NEDD9: variants seen among roughly 807,000 people sequenced by gnomAD.
NEDD9 encodes neural precursor cell expressed, developmentally down-regulated 9, also known as enhancer of filamentation 1.
NEDD9 carries 26 observed loss-of-function variants against 76.6 expected under a neutral mutation model. The observed-to-expected ratio is 0.34, with a 90% CI of 0.25 to 0.47. The LOEUF (loss-of-function observed/expected upper bound fraction) is 0.47, where lower values mean the gene tolerates loss of function less well. Ranked by LOEUF, NEDD9 falls within the 20% of genes least tolerant of loss-of-function variation. NEDD9 has a pLI of 1.00. For synonymous variants in NEDD9, 392 were observed against 414.2 expected, an observed-to-expected ratio of 0.95 and a Z score of 0.65; for missense variants, 937 against 1,058.5, an observed-to-expected ratio of 0.89 and a Z score of 1.59.
chr6:11,195,953 C>T (rs1758280455), intron 2 of NEDD9, among the ~76,000 whole-genome samples: 1 of 152,026 alleles, frequency 6.6e-6, no homozygotes, highest in South Asian at 2.1e-4. Flanking sequence ...GAGATCTTGC[C>T]ACTGCACTCC....
At chr6:11,239,975 C>T (rs1236234379) in intron 3 of NEDD9, among the ~76,000 whole-genome samples, 1 of 142,308 alleles carries the variant, frequency 7.0e-6, no homozygotes, top group Non-Finnish European at 1.5e-5. Context: ...ACCCGGGAGG[C>T]GGAGATTTCA....
chr6:11,308,579 C>G (rs561063608), intron 2 of NEDD9, among the ~76,000 whole-genome samples: 1 of 152,096 alleles, frequency 6.6e-6, no homozygotes, highest in Non-Finnish European at 1.5e-5. Context: ...TCGTGTTAGC[C>G]AGGATGGTCT....
intron 2 of NEDD9, among the ~76,000 whole-genome samples, chr6:11,316,730 G>A (rs556784191): frequency 1.3e-5 from 2 of 152,246 alleles, no homozygotes; most frequent in East Asian, 1.9e-4. Context: ...AGGAAGGTTC[G>A]GATTAAGCTG....
chr6:11,209,980 T>C (rs988521494), intron 2 of NEDD9, among the ~76,000 whole-genome samples: 1 of 150,918 alleles, frequency 6.6e-6, no homozygotes, highest in African/African-American at 2.4e-5. Flanking sequence ...CTTTTTTTTT[T>C]CCTTAAGTGA....
At chr6:11,305,043 A>C (rs1029308496) in intron 3 of NEDD9, 15 of 1,247,694 alleles carry the variant, frequency 1.2e-5, no homozygotes, top group Non-Finnish European at 1.5e-5. Context: ...TTATTTAAAG[A>C]AAGCATTTCT....
At chr6:11,222,252 C>T (rs574538753) in intron 1 of NEDD9, among the ~76,000 whole-genome samples, 2 of 152,170 alleles carry the variant, frequency 1.3e-5, no homozygotes, top group Admixed American at 1.3e-4. Context: ...CAGCCAGAAC[C>T]GAGTTGATGT....
At position 11,370,187 on chromosome 6, in the gene NEDD9, G is replaced by C. The variant is rs1215495667; in HGVS notation, c.-214+11952C>G. On this transcript the variant is annotated intron_variant, in intron 1 of 3. Transcript: ENST00000397378. The surrounding 1 kb of genome is among the most constrained non-coding windows in gnomAD (Gnocchi z 4.2). ...AATCATGCTTGTGGGAACCCAAGGA[G>C]GCCAGCCCCTGAATCACAGGCCTGC... Among the ~76,000 whole-genome samples, 1 of 152,290 alleles carries C rather than the reference G, an allele frequency of 6.6e-6. No homozygotes were observed. Among genetic ancestry groups the C allele is most frequent in the East Asian group, 1.9e-4 (1 of 5,186 alleles).
At chr6:11,342,525 G>A (rs867126869) in intron 1 of NEDD9, among the ~76,000 whole-genome samples, 10 of 152,150 alleles carry the variant, frequency 6.6e-5, no homozygotes, top group African/African-American at 2.4e-4. Context: ...AACATCTTTG[G>A]AGATGTAAAA....
chr6:11,303,578 A>T (rs1761107742), intron 3 of NEDD9, among the ~76,000 whole-genome samples: 1 of 152,222 alleles, frequency 6.6e-6, no homozygotes, highest in African/African-American at 2.4e-5. Context: ...AGCTAGAGTA[A>T]CCAAAACAGC....
chr6:11,266,611 TA>T (rs1012628818), intron 3 of NEDD9, among the ~76,000 whole-genome samples: 5 of 152,090 alleles, frequency 3.3e-5, no homozygotes, highest in African/African-American at 7.2e-5. Context: ...TTATTATTAT[TA>T]AAAAAAACTT....
Position 11,357,866 on chromosome 6 carries a change from G to A in NEDD9, c.-213-23305C>T, listed in dbSNP as rs1379649773. On this transcript the variant is annotated intron_variant, in intron 1 of 3. Coordinates refer to the NEDD9 transcript ENST00000397378. Reference sequence around the variant, plus strand: ...GATCGGCCTAGCTGAATGGCAGTGAGTCTGCGGTGATGAGTGAAAGCAGCC... The same window carrying A: ...GATCGGCCTAGCTGAATGGCAGTGAATCTGCGGTGATGAGTGAAAGCAGCC... Among the ~76,000 whole-genome samples the A allele has an allele frequency of 3.3e-5, 5 of 152,200 alleles. No homozygotes were observed. In the East Asian group the frequency reaches 9.6e-4, roughly 29 times the overall value.
At chr6:11,288,747 A>G (rs16871207) in intron 3 of NEDD9, among the ~76,000 whole-genome samples, 19,107 of 152,258 alleles carry the variant, frequency 0.13, 1,442 homozygotes, top group Admixed American at 0.21. Flanking sequence ...CATTTCATCC[A>G]ATCAGGCACA....
At chr6:11,243,560 T>C (rs1389452797) in intron 3 of NEDD9, among the ~76,000 whole-genome samples, 1 of 152,222 alleles carries the variant, frequency 6.6e-6, no homozygotes, top group Non-Finnish European at 1.5e-5. Flanking sequence ...CTTCTCTGCC[T>C]GCCAACTCTA....
At chr6:11,378,730 G>A (rs1279847315) in intron 1 of NEDD9, among the ~76,000 whole-genome samples, 1 of 152,096 alleles carries the variant, frequency 6.6e-6, no homozygotes, top group African/African-American at 2.4e-5. Context: ...GAAAGTAGAG[G>A]GTTTTGTAGC....
intron 3 of NEDD9, among the ~76,000 whole-genome samples, chr6:11,287,664 T>G (rs2113369455): frequency 6.6e-6 from 1 of 152,316 alleles, no homozygotes; most frequent in East Asian, 1.9e-4. Context: ...TACACATTCC[T>G]ACTTAATGGT....
chr6:11,295,175 T>G (rs985867544), intron 3 of NEDD9, among the ~76,000 whole-genome samples: 1 of 152,244 alleles, frequency 6.6e-6, no homozygotes, highest in African/African-American at 2.4e-5. Context: ...ATACAATTAG[T>G]GATATTGCAC....
intron 3 of NEDD9, among the ~76,000 whole-genome samples, chr6:11,293,481 T>C (rs150178902): frequency 1.3e-5 from 2 of 152,322 alleles, no homozygotes; most frequent in East Asian, 3.9e-4. Context: ...CCTCTCAGCT[T>C]TATCGAAGCA....
intron 4 of NEDD9, 42 bp downstream of exon 4, chr6:11,192,303 A>G (rs377533187): frequency 5.4e-5 from 48 of 887,086 alleles, no homozygotes; most frequent in Admixed American, 4.0e-4. Context: ...ACACAGACAC[A>G]CACACACACT....
At position 11,290,576 on chromosome 6, in the gene NEDD9, C is replaced by G. The variant is rs148495147; in HGVS notation, c.12+15416G>C. ...CATTGCCCTGGAACTGCGGGTTTTG[C>G]AGCAGAGTGGTCGTCCTCCTCCTCA... On this transcript the variant is annotated intron_variant, in intron 3 of 3. Coordinates refer to the NEDD9 transcript ENST00000397378. Among the ~76,000 whole-genome samples the G allele has an allele frequency of 5.3e-3, 803 of 152,278 alleles. 5 individuals are homozygous for G. The highest frequency in any genetic ancestry group is 0.018 in the African/African-American group (759 of 41,550).
Sources: gnomAD v4.1 joint callset for allele counts (sites outside exome capture counted in the v4.1 genomes callset) on GRCh38, gnomAD v4.1.1 for gene constraint, Gnocchi (gnomAD v3.1) non-coding constraint, MANE v1.5 for transcripts, NCBI Gene and HGNC (gene_info 2026-07-23, HGNC 2026-07-21) for gene names.